The following DLGAP2 variants were observed in gnomAD, a reference collection of about 807,000 sequenced individuals.
DLGAP2 encodes the protein disks large-associated protein 2.
In DLGAP2, 26 loss-of-function variants were observed where a neutral mutation model predicts 100.3. The observed-to-expected ratio is 0.26, with a 90% confidence interval of 0.19 to 0.36. The LOEUF (loss-of-function observed/expected upper bound fraction) is 0.36. DLGAP2 is among the 10% of genes least tolerant of loss of function. DLGAP2 has a pLI of 1.00. For missense variants in DLGAP2, 1,858 were observed against 1,453.2 expected (o/e 1.28, Z -4.53); for synonymous variants, 886 against 630.1 (o/e 1.41, Z -6.08).
chr8:1,602,487 G>C (rs540694757), intron 6 of DLGAP2, among the ~76,000 whole-genome samples: 1 of 152,338 alleles, frequency 6.6e-6, no homozygotes, highest in East Asian at 1.9e-4. Flanking sequence ...ATGTTGCCCA[G>C]AGCTAGCCAG....
chr8:835,816 G>C (rs941645912), intron 1 of DLGAP2, among the ~76,000 whole-genome samples: 6 of 152,034 alleles, frequency 3.9e-5, no homozygotes, highest in South Asian at 2.1e-4. Flanking sequence ...CTTTCTCCCC[G>C]TACCAGCCGG....
At chr8:1,094,214 G>C (rs750778590) in intron 2 of DLGAP2, among the ~76,000 whole-genome samples, 29 of 152,232 alleles carry the variant, frequency 1.9e-4, no homozygotes, top group Non-Finnish European at 4.1e-4. Context: ...CTGAGACTTT[G>C]GACGGTAGAG....
At position 1,690,951 on chromosome 8, in the gene DLGAP2, C is replaced by T. The variant is rs187744354; in HGVS notation, c.2705-584C>T. 6.6e-5 allele frequency among the ~76,000 whole-genome samples: 10 copies of T among 152,236 alleles called. No homozygotes were observed. The South Asian group carries it at 8.3e-4, about 13-fold the overall frequency. On this transcript the variant is annotated intron_variant, in intron 12 of 14. Transcript: ENST00000637795. ...CCAGGAGGGAAGCCACATCTTCCTA[C>T]GTGCTACGACCTTCCTGTGAGGCCT...
At chr8:1,085,557 C>T (rs1325254833) in intron 2 of DLGAP2, among the ~76,000 whole-genome samples, 1 of 152,096 alleles carries the variant, frequency 6.6e-6, no homozygotes, top group East Asian at 1.9e-4. Flanking sequence ...TTCTCAGCGC[C>T]TTTATTGAAG....
rs1343080639 is a variant in DLGAP2, at chr8:1,702,446, AGTG to A, written c.*1043_*1045del. ...AAAAAGTTTAAGAAATATGAATGTG[AGTG>A]GTAAGTATATCTCAGTTTAAATGGT... On this transcript the variant is annotated 3_prime_UTR_variant, in exon 15 of 15. Coordinates refer to ENST00000637795, the MANE Select transcript of DLGAP2 (RefSeq NM_001346810.2). 3 of 152,634 alleles carry A rather than the reference AGTG, an allele frequency of 2.0e-5. No homozygotes were observed. Among genetic ancestry groups the A allele is most frequent in the African/African-American group, 7.2e-5 (3 of 41,458 alleles). The allele number at this position is 152,634 out of a possible 1,614,324, so 9.5% of individuals were successfully genotyped here. A position where few individuals can be genotyped will look rare whatever the true frequency, so the allele number is the denominator to read the frequency against.
At position 1,676,588 on chromosome 8, in the gene DLGAP2, C is replaced by G; in HGVS notation, c.2258C>G (p.Ser753Cys). The change falls in exon 11 of 15, where the codon TCT (serine) becomes TGT (cysteine). Residue 753 changes from serine to cysteine, a missense_variant. Physicochemically the swap from Ser to Cys is moderately radical, Grantham distance 112 (BLOSUM62 -1). Transcript: ENST00000637795. The part of the protein sequence containing the change: ...TESRGLREYH[S>C]VGVQVEDEKR... ...AGCCGCGGTCTGCGGGAATACCACT[C>G]TGTCGGGGTGCAAGTGGAAGATGAG... The G allele has an allele frequency of 6.2e-7, 1 of 1,613,482 alleles. No individual in the cohort carries two copies. The highest frequency in any genetic ancestry group is 8.5e-7 in the Non-Finnish European group (1 of 1,179,704).
chr8:1,073,495 A>G (rs1803497803), intron 2 of DLGAP2, among the ~76,000 whole-genome samples: 2 of 152,242 alleles, frequency 1.3e-5, no homozygotes, highest in Non-Finnish European at 2.9e-5. Context: ...TCCTGAGCTC[A>G]GAATTTAAAA....
rs117499228 is a variant in DLGAP2, at chr8:1,245,053, C to G, written c.74-13798C>G. 9.6e-3 allele frequency among the ~76,000 whole-genome samples: 1,467 copies of G among 152,228 alleles called. 12 individuals are homozygous for G. The highest frequency in any genetic ancestry group is 0.014 in the Non-Finnish European group (962 of 68,018). ...TCAAAATACAATGAGACACCATTGC[C>G]CACGTGTTAGGATGGCCATAATGGC... On this transcript the variant is annotated intron_variant, in intron 2 of 14. Coordinates refer to ENST00000637795, the MANE Select transcript of DLGAP2 (RefSeq NM_001346810.2).
chr8:1,255,013 G>A (rs370995974), intron 2 of DLGAP2, among the ~76,000 whole-genome samples: 4 of 123,424 alleles, frequency 3.2e-5, no homozygotes, highest in African/African-American at 1.3e-4. Flanking sequence ...CTGCTTGGGC[G>A]CTGTGTGTGT....
At chr8:1,345,126 A>G (rs913363181) in intron 3 of DLGAP2, among the ~76,000 whole-genome samples, 1 of 122,896 alleles carries the variant, frequency 8.1e-6, no homozygotes, top group Non-Finnish European at 1.8e-5. Context: ...AAATGACATA[A>G]TTCGGTTTTG....
In DLGAP2 at chr8:1,287,282, G is replaced by GTGTGTGT. The variant is rs1200556783; in HGVS notation, c.106+28399_106+28400insTGTGTGT. ...TAGTTCAGCGTGTGTGTGTGTGTGT[G>GTGTGTGT]GTTGTTAGGAGGGGAACTAGTTTCG... On this transcript the variant is annotated intron_variant, in intron 3 of 14. Transcript: ENST00000637795. Among the ~76,000 whole-genome samples, 111 of 101,692 alleles carry GTGTGTGT rather than the reference G, an allele frequency of 1.1e-3. 8 individuals carry two copies. The highest frequency in any genetic ancestry group is 2.5e-3 in the East Asian group (8 of 3,214). 66.7% of individuals were successfully genotyped at this position (101,692 alleles called of 152,430 possible).
intron 3 of DLGAP2, among the ~76,000 whole-genome samples, chr8:1,351,620 C>A (rs112369133): frequency 2.1e-4 from 15 of 70,388 alleles, no homozygotes; most frequent in African/African-American, 2.2e-4. Flanking sequence ...CGTGGAAAGG[C>A]CGTGCGGGTC....
Position 961,971 on chromosome 8 carries a change from C to T in DLGAP2, c.73+54005C>T, listed in dbSNP as rs138780230. Among the ~76,000 whole-genome samples the T allele has an allele frequency of 1.4e-4, 21 of 152,250 alleles. 1 individual carries two copies. Among genetic ancestry groups the T allele is most frequent in the African/African-American group, 4.3e-4 (18 of 41,548 alleles). On this transcript the variant is annotated intron_variant, in intron 2 of 14. Transcript: ENST00000637795. ...TTATTTTCTCCAGCGTCATCATGGACGCCACCAGTGTGGCCATCCACACAG... is the reference window on the plus strand; with the variant it reads ...TTATTTTCTCCAGCGTCATCATGGATGCCACCAGTGTGGCCATCCACACAG...
intron 1 of DLGAP2, among the ~76,000 whole-genome samples, chr8:807,743 C>T (rs1207114571): frequency 6.6e-6 from 1 of 152,200 alleles, no homozygotes; most frequent in Non-Finnish European, 1.5e-5. Context: ...TTTTCCATAA[C>T]TAAAAGGCAA....
At chr8:1,099,674 G>A (rs1447184835) in intron 2 of DLGAP2, among the ~76,000 whole-genome samples, 1 of 152,236 alleles carries the variant, frequency 6.6e-6, no homozygotes, top group Non-Finnish European at 1.5e-5. Context: ...CATTAATTAA[G>A]TGGGTAGCTT....
chr8:1,083,287 GC>G (rs1209380627), intron 2 of DLGAP2, among the ~76,000 whole-genome samples: 3 of 152,242 alleles, frequency 2.0e-5, no homozygotes, highest in Non-Finnish European at 4.4e-5. Flanking sequence ...CCAAGGCCAA[GC>G]GTGGGACATG....
chr8:1,098,752 C>T (rs1804481559), intron 2 of DLGAP2, among the ~76,000 whole-genome samples: 1 of 136,206 alleles, frequency 7.3e-6, no homozygotes, highest in South Asian at 2.3e-4. Context: ...GGCTCCCGGC[C>T]GCCCACGGGC....
intron 3 of DLGAP2, among the ~76,000 whole-genome samples, chr8:1,353,285 G>A (rs1285560520): frequency 6.6e-6 from 1 of 152,204 alleles, no homozygotes; most frequent in Admixed American, 6.5e-5. Flanking sequence ...AGGGACAGAC[G>A]GTCCTGGCTC....
intron 1 of DLGAP2, among the ~76,000 whole-genome samples, chr8:770,934 G>A (rs182881509): frequency 1.3e-4 from 19 of 151,836 alleles, no homozygotes; most frequent in Non-Finnish European, 2.6e-4. Context: ...CTTTTCTGTA[G>A]GGCAGGTTGA....
Sources: gnomAD v4.1 joint callset for allele counts (sites outside exome capture counted in the v4.1 genomes callset) on GRCh38, gnomAD v4.1.1 for gene constraint, MANE v1.5 for transcripts, NCBI Gene and HGNC (gene_info 2026-07-23, HGNC 2026-07-21) for gene names.